PANK4: variants seen among roughly 807,000 people sequenced by gnomAD.
The protein encoded by PANK4 is 4'-phosphopantetheine phosphatase.
In PANK4, 40 loss-of-function variants were observed where a neutral mutation model predicts 87.9. The ratio of observed to expected loss-of-function variants is 0.46; its 90% confidence interval spans 0.35 to 0.59. PANK4 has a LOEUF of 0.59. PANK4 is among the 20% of genes least tolerant of loss of function. PANK4 has a pLI of 0.00. For synonymous variants in PANK4, 524 were observed against 467.4 expected (o/e 1.12, Z -1.56); for missense variants, 926 against 1,072.3 (o/e 0.86, Z 1.90).
At position 2,515,214 on chromosome 1, in the gene PANK4, C is replaced by T; in HGVS notation, c.1374+348G>A. The T allele has an allele frequency of 2.2e-6, 1 of 461,876 alleles. No homozygotes were observed. Among genetic ancestry groups the T allele is most frequent in the South Asian group, 1.7e-5 (1 of 59,068 alleles). 28.6% of individuals were successfully genotyped at this position (461,876 alleles called of 1,614,324 possible). A position where few individuals can be genotyped will look rare whatever the true frequency, so the allele number is the denominator to read the frequency against. On this transcript the variant is annotated intron_variant, in intron 10 of 18. Transcript: ENST00000378466. The surrounding 1 kb of genome is among the most constrained non-coding windows in gnomAD (Gnocchi z 5.0). ...TGCTGGGGCTGAGTCTCACCCCACC[C>T]CCAGAGTCAGGGTCCCACAATGCCT...
chr1:2,516,562 C>T (rs1345238261), intron 9 of PANK4, among the ~76,000 whole-genome samples: 1 of 152,222 alleles, frequency 6.6e-6, no homozygotes, highest in Non-Finnish European at 1.5e-5. Flanking sequence ...GTGGCTACCC[C>T]ACAGGTCACA....
At chr1:2,522,106 T>C (rs901068587) in intron 1 of PANK4, among the ~76,000 whole-genome samples, 16 of 152,252 alleles carry the variant, frequency 1.1e-4, no homozygotes, top group African/African-American at 3.4e-4. Flanking sequence ...TTGCTTTGGG[T>C]AACCTTGGTT....
chr1:2,521,569 G>T lies in PANK4; in HGVS notation c.207+149C>A, dbSNP rs763176950. ...CAAAGGGTCTTGAAGGGACACGGCG[G>T]AAGGCAGGGGAGGCTGTCCCTGCTA... On this transcript the variant is annotated intron_variant, in intron 2 of 18. Coordinates refer to ENST00000378466, the MANE Select transcript of PANK4 (RefSeq NM_018216.4). The T allele has an allele frequency of 5.2e-6, 4 of 776,266 alleles. No homozygotes were observed. In the East Asian group the frequency reaches 7.3e-5, roughly 14 times the overall value. 48.1% of individuals were successfully genotyped at this position (776,266 alleles called of 1,614,324 possible).
chr1:2,512,651 C>T (rs1570534147), intron 13 of PANK4: 1 of 551,792 alleles, frequency 1.8e-6, no homozygotes, highest in African/African-American at 1.9e-5. Flanking sequence ...CTCTGCGGCA[C>T]CCATGCTTAA....
At chr1:2,521,647 G>T in intron 2 of PANK4, 71 bp downstream of exon 2, 2 of 1,207,208 alleles carry the variant, frequency 1.7e-6, no homozygotes, top group Non-Finnish European at 2.5e-6. Flanking sequence ...GGATGACTGC[G>T]AGACAAGTGC....
In PANK4 at chr1:2,510,643, A is replaced by G. The variant is rs200903219; in HGVS notation, c.1938+35T>C. On this transcript the variant is annotated intron_variant, in intron 16 of 18. Transcript: ENST00000378466. This position sits in a 1 kb window ranked among gnomAD's most constrained non-coding sequence, Gnocchi z 4.9. The stretch of plus-strand genomic sequence containing the variant: ...AACCCCACCGAGAGCAGAGAAGCCC[A>G]GGGGAAGGGCCCCACCCACCACCTC... The G allele has an allele frequency of 2.5e-4, 318 of 1,287,214 alleles. No individual in the cohort carries two copies. The highest frequency in any genetic ancestry group is 3.4e-4 in the Non-Finnish European group (298 of 887,136). 79.7% of individuals were successfully genotyped at this position (1,287,214 alleles called of 1,614,324 possible).
rs77162700 is a variant in PANK4 at position 2,524,978 on chromosome 1, C to G, written c.124+1486G>C. Among the ~76,000 whole-genome samples the G allele has an allele frequency of 6.7e-3, 1,025 of 152,226 alleles. 9 individuals are homozygous for G. Among genetic ancestry groups the G allele is most frequent in the Non-Finnish European group, 9.5e-3 (648 of 68,006 alleles). The stretch of plus-strand genomic sequence containing the variant: ...TCAGTCCCAAGTCCTATCAGCGGTC[C>G]CTAAAGATGCTACTCACACGTTCTC... On this transcript the variant is annotated intron_variant, in intron 1 of 18. Transcript: ENST00000378466.
chr1:2,518,722 C>T (rs918581233), intron 7 of PANK4, 125 bp from the exon 8 acceptor site: 2 of 768,172 alleles, frequency 2.6e-6, no homozygotes, highest in Non-Finnish European at 4.4e-6. Context: ...CGCCATGGCA[C>T]CCACGGCATA....
At chr1:2,517,777 G>A (rs1009583006) in intron 9 of PANK4, among the ~76,000 whole-genome samples, 7 of 152,252 alleles carry the variant, frequency 4.6e-5, no homozygotes, top group African/African-American at 7.2e-5. Context: ...GCGGCAGAGC[G>A]CGCAGTCCTA....
At chr1:2,514,556 G>C in intron 10 of PANK4, 90 bp from the exon 11 acceptor site, 1 of 856,316 alleles carries the variant, frequency 1.2e-6, no homozygotes, top group South Asian at 1.5e-5. Flanking sequence ...GGGAAGGGTG[G>C]GGGTCGGCCG....
intron 11 of PANK4, 109 bp from the exon 12 acceptor site, chr1:2,514,198 C>T: frequency 8.6e-7 from 1 of 1,161,582 alleles, no homozygotes; most frequent in South Asian, 1.2e-5. Context: ...AGTGCAAACG[C>T]TGCTTGAGGC....
At position 2,520,074 on chromosome 1, in the gene PANK4, C is replaced by T. The variant is rs1210883674; in HGVS notation, c.700-120G>A. 12 of 1,001,042 alleles carry T rather than the reference C, an allele frequency of 1.2e-5. No homozygotes were observed. The highest frequency in any genetic ancestry group is 3.3e-4 in the Middle Eastern group (1 of 3,064). 62.0% of individuals were successfully genotyped at this position (1,001,042 alleles called of 1,614,324 possible). On this transcript the variant is annotated intron_variant, in intron 5 of 18. Coordinates refer to ENST00000378466, the MANE Select transcript of PANK4 (RefSeq NM_018216.4). This position sits in a 1 kb window ranked among gnomAD's most constrained non-coding sequence, Gnocchi z 6.2. ...GCAGGGGGTAAATGGGCCCTCATCG[C>T]GTGGGACCAAAGGCAGGAGGCGGCA...
intron 1 of PANK4, among the ~76,000 whole-genome samples, chr1:2,522,358 C>T (rs1306663382): frequency 6.6e-6 from 1 of 152,180 alleles, no homozygotes; most frequent in East Asian, 1.9e-4. Context: ...GCAGCCCCAG[C>T]CCCAAAAGTA....
Position 2,520,061 on chromosome 1 carries a change from T to C in PANK4, c.700-107A>G. ...GAGGCACGCGCGGGCAGGGGGTAAA[T>C]GGGCCCTCATCGCGTGGGACCAAAG... is the stretch of plus-strand genomic sequence containing the variant. On this transcript the variant is annotated intron_variant, in intron 5 of 18. Transcript: ENST00000378466. This position sits in a 1 kb window ranked among gnomAD's most constrained non-coding sequence, Gnocchi z 6.2. The C allele has an allele frequency of 1.8e-6, 2 of 1,101,210 alleles. No individual in the cohort carries two copies. Among genetic ancestry groups the C allele is most frequent in the East Asian group, 5.2e-5 (2 of 38,366 alleles). 68.2% of individuals were successfully genotyped at this position (1,101,210 alleles called of 1,614,324 possible). A position where few individuals can be genotyped will look rare whatever the true frequency, so the allele number is the denominator to read the frequency against.
chr1:2,514,278 T>C, intron 11 of PANK4, 76 bp downstream of exon 11: 1 of 1,278,700 alleles, frequency 7.8e-7, no homozygotes, highest in South Asian at 1.2e-5. Context: ...AATGCCAACA[T>C]CACGGCACTT....
chr1:2,514,458 C>A lies in PANK4; in HGVS notation c.1383G>T (p.Lys461Asn). The change falls in exon 11 of 19, where the codon AAG (lysine) becomes AAT (asparagine). Residue 461 changes from lysine to asparagine, a missense_variant. Coordinates refer to ENST00000378466, the MANE Select transcript of PANK4 (RefSeq NM_018216.4). ...AGTCTGGCTGGCTCGCCACTGCGCGCTTCACTACCTGCCAGCGACAGAAGG... is the reference window on the plus strand; with the variant it reads ...AGTCTGGCTGGCTCGCCACTGCGCGATTCACTACCTGCCAGCGACAGAAGG... ...CFEEALDGVV[K>N]RAVASQPDSV... 6.2e-7 allele frequency: 1 copy of A among 1,609,532 alleles called. No homozygotes were observed. The highest frequency in any genetic ancestry group is 1.3e-5 in the African/African-American group (1 of 74,864).
In PANK4 at chr1:2,509,681, C is replaced by T; in HGVS notation, c.2108+181G>A. On this transcript the variant is annotated intron_variant, in intron 18 of 18. Transcript: ENST00000378466. This position sits in a 1 kb window ranked among gnomAD's most constrained non-coding sequence, Gnocchi z 4.9. ...CTCAGACCCTGAATCCATTCACCCT[C>T]CCCAGGCCACCTTCGGGGATGGCAT... 1.6e-6 allele frequency: 1 copy of T among 636,570 alleles called. No homozygotes were observed. The highest frequency in any genetic ancestry group is 2.7e-5 in the Admixed American group (1 of 37,626). 39.4% of individuals were successfully genotyped at this position (636,570 alleles called of 1,614,324 possible). A position where few individuals can be genotyped will look rare whatever the true frequency, so the allele number is the denominator to read the frequency against.
At position 2,526,481 on chromosome 1, in the gene PANK4, C is replaced by T. The variant is rs1643926501; in HGVS notation, c.107G>A (p.Arg36His). 2 of 1,570,776 alleles carry T rather than the reference C, an allele frequency of 1.3e-6. No individual in the cohort carries two copies. Residue 36 changes from arginine to histidine, a missense_variant, in exon 1 of 19, where the codon CGC becomes CAC. Coordinates refer to ENST00000378466, the MANE Select transcript of PANK4 (RefSeq NM_018216.4). ...EIFRNLENAKRFAIDIGGSLT... is the reference protein window; with the variant it reads ...EIFRNLENAKHFAIDIGGSLT... ...GCGGCTACCTATGTCGATGGCGAAG[C>T]GCTTGGCGTTCTCCAGGTTGCGGAA... is the stretch of plus-strand genomic sequence containing the variant.
At position 2,511,700 on chromosome 1, in the gene PANK4, A is replaced by T; in HGVS notation, c.1728-17T>A. 1 of 1,557,672 alleles carries T rather than the reference A, an allele frequency of 6.4e-7. No individual in the cohort carries two copies. The highest frequency in any genetic ancestry group is 8.9e-7 in the Non-Finnish European group (1 of 1,129,296). ...TCAAGGACACTGCATGGAGGAGGAG[A>T]AAAGAAAATTAAGACAACAGAACAA... On this transcript the variant is annotated splice_polypyrimidine_tract_variant and intron_variant, in intron 13 of 18. Transcript: ENST00000378466.
Sources: gnomAD v4.1 joint callset for allele counts (sites outside exome capture counted in the v4.1 genomes callset) on GRCh38, gnomAD v4.1.1 for gene constraint, Gnocchi (gnomAD v3.1) non-coding constraint, MANE v1.5 for transcripts, NCBI Gene and HGNC (gene_info 2026-07-23, HGNC 2026-07-21) for gene names.